PSMD7: variants seen among roughly 807,000 people sequenced by gnomAD.
PSMD7 encodes proteasome 26S subunit, non-ATPase 7.
Under a neutral mutation model 36.4 loss-of-function variants are expected in PSMD7, and 13 were observed. That is an observed-to-expected ratio of 0.36 (90% CI 0.23 to 0.57). The LOEUF is 0.57. Ranked by LOEUF, PSMD7 falls within the 20% of genes least tolerant of loss-of-function variation. The pLI, the probability that PSMD7 is intolerant of heterozygous loss-of-function variation, is 0.83. For missense variants in PSMD7, 298 were observed against 393.6 expected (o/e 0.76, Z 2.06); for synonymous variants, 186 against 151.0 (o/e 1.23, Z -1.70).
At chr16:74,299,670 A>G in intron 1 of PSMD7, 1 of 413,036 alleles carries the variant, frequency 2.4e-6, no homozygotes, top group South Asian at 1.7e-5. Flanking sequence ...CTGGGATTAC[A>G]GGCATGAGCC....
In PSMD7 at chr16:74,300,171, A is replaced by G. The variant is rs772439896; in HGVS notation, c.131A>G (p.Gln44Arg). 5 of 1,614,104 alleles carry G rather than the reference A, an allele frequency of 3.1e-6. No individual in the cohort carries two copies. The highest frequency in any genetic ancestry group is 4.2e-6 in the Non-Finnish European group (5 of 1,180,042). ...RVVGVLLGSW[Q>R]KKVLDVSNSF... Reference sequence around the variant, plus strand: ...GTTGGTGTGCTTTTGGGGTCATGGCAAAAGAAAGTACTTGATGTATCGAAC... The same window carrying G: ...GTTGGTGTGCTTTTGGGGTCATGGCGAAAGAAAGTACTTGATGTATCGAAC... Residue 44 changes from glutamine (Q) to arginine (R), a missense_variant, in exon 2 of 7, where the codon CAA becomes CGA. Gln to Arg is a conservative substitution (Grantham distance 43). Coordinates refer to ENST00000219313, the MANE Select transcript of PSMD7 (RefSeq NM_002811.5).
At position 74,296,895 on chromosome 16, in the gene PSMD7, G is replaced by T. The variant is rs749085456; in HGVS notation, c.-20G>T. On this transcript the variant is annotated 5_prime_UTR_variant, in exon 1 of 7. Transcript: ENST00000219313. ...TTGCGTGTGGCAGGGAGCCAGGCCT[G>T]GCGAGCGGGGTGTGTCGCGATGCCG... is the stretch of plus-strand genomic sequence containing the variant. 6 of 1,612,154 alleles carry T rather than the reference G, an allele frequency of 3.7e-6. No individual in the cohort carries two copies. In the African/African-American group the frequency reaches 8.0e-5, roughly 22 times the overall value.
rs2034188826 is a variant in PSMD7, at chr16:74,305,519, A to G, written c.761A>G (p.Asn254Ser). ...GTCAAGGCCTTTTACCTGAAGACCA[A>G]TGACCAGATGGTGGTAGTGTACTTG... ...EFVKAFYLKT[N>S]DQMVVVYLAS... Residue 254 changes from asparagine to serine, a missense_variant, in exon 7 of 7, where the codon AAT becomes AGT. By Grantham distance (46) the Asn-to-Ser change is conservative. Transcript: ENST00000219313. 4 of 1,614,068 alleles carry G rather than the reference A, an allele frequency of 2.5e-6. No homozygotes were observed. Among genetic ancestry groups the G allele is most frequent in the Non-Finnish European group, 3.4e-6 (4 of 1,180,040 alleles).
In PSMD7 at chr16:74,306,056, T is replaced by C. The variant is rs1348312223; in HGVS notation, c.*323T>C. ...ATCTCTAAAACCAGGAGTTGAATTT[T>C]CCTCATCTTGAAAGACTCTTGGGGT... On this transcript the variant is annotated 3_prime_UTR_variant, in exon 7 of 7. Coordinates refer to ENST00000219313, the MANE Select transcript of PSMD7 (RefSeq NM_002811.5). 2 of 194,320 alleles carry C rather than the reference T, an allele frequency of 1.0e-5. No homozygotes were observed. The highest frequency in any genetic ancestry group is 5.9e-5 in the Admixed American group (1 of 16,884). The allele number at this position is 194,320 out of a possible 1,614,324, so 12.0% of individuals were successfully genotyped here.
rs772463540 is a variant in PSMD7 at position 74,304,406 on chromosome 16, G to C, written c.530+12G>C. The C allele has an allele frequency of 1.2e-6, 2 of 1,606,794 alleles. No homozygotes were observed. Among genetic ancestry groups the C allele is most frequent in the East Asian group, 2.2e-5 (1 of 44,826 alleles). Reference sequence around the variant, plus strand: ...GAACACTTGTTACGGTGAGACCCTAGTACAGCATCAAAATCATTCACTGCC... The same window carrying C: ...GAACACTTGTTACGGTGAGACCCTACTACAGCATCAAAATCATTCACTGCC... On this transcript the variant is annotated intron_variant, in intron 6 of 6. Transcript: ENST00000219313.
At chr16:74,300,811 AG>A (rs1188873220) in intron 2 of PSMD7, among the ~76,000 whole-genome samples, 9 of 152,200 alleles carry the variant, frequency 5.9e-5, no homozygotes, top group African/African-American at 2.2e-4. Context: ...TAAAGGGGGC[AG>A]CCCCTACCTG....
At chr16:74,304,135 G>A (rs1597119731) in intron 5 of PSMD7, 168 bp from the exon 6 acceptor site, 1 of 593,172 alleles carries the variant, frequency 1.7e-6, no homozygotes, top group East Asian at 3.0e-5. Flanking sequence ...TGTTAGCTTT[G>A]AAGGCTAAGC....
intron 3 of PSMD7, 33 bp from the exon 4 acceptor site, chr16:74,301,522 T>G: frequency 6.8e-7 from 1 of 1,471,894 alleles, no homozygotes; most frequent in South Asian, 1.1e-5. Flanking sequence ...CTTCATGAAA[T>G]AGTTAAAGCC....
chr16:74,299,852 C>T (rs2034142107), intron 1 of PSMD7: 1 of 524,536 alleles, frequency 1.9e-6, no homozygotes, highest in Admixed American at 3.3e-5. Context: ...TTTTAAATTT[C>T]TGTGAAGTTT....
chr16:74,305,245 C>T (rs762567354), intron 6 of PSMD7, 44 bp from the exon 7 acceptor site: 4 of 1,554,524 alleles, frequency 2.6e-6, no homozygotes, highest in Middle Eastern at 1.7e-4. Flanking sequence ...TAACATGGTA[C>T]CCTGATGCCT....
Position 74,305,938 on chromosome 16 carries a change from G to C in PSMD7, c.*205G>C. 2.3e-6 allele frequency: 1 copy of C among 436,496 alleles called. No homozygotes were observed. The highest frequency in any genetic ancestry group is 2.0e-5 in the African/African-American group (1 of 49,360). 27.0% of individuals were successfully genotyped at this position (436,496 alleles called of 1,614,324 possible). A position where few individuals can be genotyped will look rare whatever the true frequency, so the allele number is the denominator to read the frequency against. On this transcript the variant is annotated 3_prime_UTR_variant, in exon 7 of 7. Transcript: ENST00000219313. The stretch of plus-strand genomic sequence containing the variant: ...AATCTGAACTGCAGCTTTCGCTGCT[G>C]TGAGTTGGGGATATGATAGTCAGCT...
intron 5 of PSMD7, 61 bp from the exon 6 acceptor site, chr16:74,304,242 A>T: frequency 6.7e-7 from 1 of 1,483,894 alleles, no homozygotes. Flanking sequence ...GGGTGCGAAA[A>T]GGAACACATG....
At chr16:74,300,439 G>A (rs1052984974) in intron 2 of PSMD7, 1 of 548,492 alleles carries the variant, frequency 1.8e-6, no homozygotes, top group South Asian at 2.2e-5. Context: ...TAGTGCAAGA[G>A]CTGCTATAGA....
At chr16:74,298,497 GAAT>G (rs2034131599) in intron 1 of PSMD7, among the ~76,000 whole-genome samples, 1 of 152,206 alleles carries the variant, frequency 6.6e-6, no homozygotes, top group Non-Finnish European at 1.5e-5. Flanking sequence ...TACAGGAGAG[GAAT>G]TACTATTTTT....
At chr16:74,301,775 T>C (rs2034157121) in intron 4 of PSMD7, 123 bp downstream of exon 4, 1 of 751,648 alleles carries the variant, frequency 1.3e-6, no homozygotes, top group African/African-American at 1.7e-5. Flanking sequence ...TAAACTTCTG[T>C]TGATTTGTAG....
chr16:74,297,985 G>C (rs1411820837), intron 1 of PSMD7, among the ~76,000 whole-genome samples: 1 of 151,942 alleles, frequency 6.6e-6, no homozygotes, highest in Non-Finnish European at 1.5e-5. Flanking sequence ...ATATAGATGA[G>C]GTTTCAGTTT....
chr16:74,304,532 TCA>T, intron 6 of PSMD7, 138 bp downstream of exon 6: 1 of 635,834 alleles, frequency 1.6e-6, no homozygotes, highest in Non-Finnish European at 2.8e-6. Context: ...TCTGAGCAAA[TCA>T]CAGTCCCTTT....
At chr16:74,299,538 C>T (rs778850260) in intron 1 of PSMD7, 13 of 455,388 alleles carry the variant, frequency 2.9e-5, no homozygotes, top group South Asian at 1.2e-4. Context: ...GGCACATCCC[C>T]ACTATGCCCG....
intron 1 of PSMD7, among the ~76,000 whole-genome samples, chr16:74,298,173 A>G (rs1166501959): frequency 6.6e-6 from 1 of 151,420 alleles, no homozygotes; most frequent in Non-Finnish European, 1.5e-5. Context: ...AAAAAAAAAA[A>G]AAAGACCAGT....
Sources: allele counts gnomAD v4.1 joint callset (sites outside exome capture counted in the v4.1 genomes callset), GRCh38; gene constraint gnomAD v4.1.1; transcripts MANE v1.5; gene names NCBI Gene and HGNC (gene_info 2026-07-23, HGNC 2026-07-21).